The following AUTS2 variants were observed in gnomAD, a reference collection of about 807,000 sequenced individuals.
The protein encoded by AUTS2 is activator of transcription and developmental regulator AUTS2.
In AUTS2, 17 loss-of-function variants were observed where a neutral mutation model predicts 112.4. That is an observed-to-expected ratio of 0.15 (90% CI 0.10 to 0.23). The LOEUF (loss-of-function observed/expected upper bound fraction) is 0.23. AUTS2 is among the 10% of genes least tolerant of loss of function. AUTS2 has a pLI of 1.00. For synonymous variants in AUTS2, 751 were observed against 702.7 expected, an observed-to-expected ratio of 1.07 and a Z score of -1.09; for missense variants, 1,510 against 1,701.6, an observed-to-expected ratio of 0.89 and a Z score of 1.98.
intron 1 of AUTS2, among the ~76,000 whole-genome samples, chr7:69,813,493 G>T (rs1790634352): frequency 6.6e-6 from 1 of 152,158 alleles, no homozygotes; most frequent in Admixed American, 6.5e-5. Context: ...GGCTGATGTT[G>T]GGAAAATTAT....
rs67326941 is a variant in AUTS2, at chr7:70,712,193, CTTTTTTTTTTTTTTT to C, written c.742+13593_742+13607del. On this transcript the variant is annotated intron_variant, in intron 6 of 18. Coordinates refer to ENST00000342771, the MANE Select transcript of AUTS2 (RefSeq NM_015570.4). Reference sequence around the variant, plus strand: ...GGCACAAGCCACCATGCCTGGCTCACTTTTTTTTTTTTTTTTTTTTTTTTTTTTTTTTTTGCAGAG... The same window carrying C: ...GGCACAAGCCACCATGCCTGGCTCACTTTTTTTTTTTTTTTTTTTGCAGAG... 7.7e-4 allele frequency among the ~76,000 whole-genome samples: 35 copies of C among 45,178 alleles called. 1 individual carries two copies. In the East Asian group the frequency reaches 8.2e-3, roughly 11 times the overall value. The allele number at this position is 45,178 out of a possible 152,430, so 29.6% of individuals were successfully genotyped here.
At chr7:70,268,024 A>G (rs970764748) in intron 4 of AUTS2, among the ~76,000 whole-genome samples, 3 of 152,188 alleles carry the variant, frequency 2.0e-5, no homozygotes, top group African/African-American at 7.2e-5. Flanking sequence ...ATGTGCTCCC[A>G]TAAGAAATTT....
In AUTS2 at chr7:70,531,618, C is replaced by T. The variant is rs549149836; in HGVS notation, c.690+95837C>T. ...GGTGGGGTTCCAGGCTTTAAATAAT[C>T]GGCTCTCATGTGAACTGATAGAAGG... On this transcript the variant is annotated intron_variant, in intron 5 of 18. Transcript: ENST00000342771. Among the ~76,000 whole-genome samples, 21 of 152,128 alleles carry T rather than the reference C, an allele frequency of 1.4e-4. 1 individual carries two copies. The highest frequency in any genetic ancestry group is 6.8e-3 in the Middle Eastern group (2 of 294).
At chr7:70,702,882 G>A (rs768753383) in intron 6 of AUTS2, among the ~76,000 whole-genome samples, 2 of 152,196 alleles carry the variant, frequency 1.3e-5, no homozygotes, top group African/African-American at 4.8e-5. Flanking sequence ...GGTTGGTTTT[G>A]CACTGAGAAT....
chr7:70,610,949 T>C (rs940613927), intron 5 of AUTS2, among the ~76,000 whole-genome samples: 1 of 152,216 alleles, frequency 6.6e-6, no homozygotes, highest in Admixed American at 6.5e-5. Context: ...CTTCACTCTG[T>C]TGATTGTTTC....
At chr7:70,225,406 C>A (rs889125679) in intron 4 of AUTS2, among the ~76,000 whole-genome samples, 3 of 152,110 alleles carry the variant, frequency 2.0e-5, no homozygotes, top group African/African-American at 7.2e-5. Context: ...GCTTTAATTT[C>A]TCTTATAGCA....
At chr7:70,467,154 C>T (rs1330747854) in intron 5 of AUTS2, among the ~76,000 whole-genome samples, 1 of 152,178 alleles carries the variant, frequency 6.6e-6, no homozygotes, top group African/African-American at 2.4e-5. Flanking sequence ...GTCTGACTTC[C>T]ACACAGCCTT....
At chr7:70,329,362 C>T (rs1277363424) in intron 4 of AUTS2, among the ~76,000 whole-genome samples, 1 of 152,074 alleles carries the variant, frequency 6.6e-6, no homozygotes, top group Non-Finnish European at 1.5e-5. Flanking sequence ...GAACTATTTT[C>T]TAGAATGGCT....
chr7:70,157,167 A>G (rs1334246673), intron 4 of AUTS2, among the ~76,000 whole-genome samples: 2 of 151,106 alleles, frequency 1.3e-5, no homozygotes, highest in Non-Finnish European at 2.9e-5. Context: ...ACTTTTTAGT[A>G]TTTTCTCTTT....
At chr7:70,605,513 C>CTT (rs11412825) in intron 5 of AUTS2, among the ~76,000 whole-genome samples, 2 of 96,224 alleles carry the variant, frequency 2.1e-5, no homozygotes, top group African/African-American at 7.5e-5. Context: ...TTTTGTCTTT[C>CTT]TTTTTTTTTT....
chr7:69,930,420 A>G (rs914868840), intron 2 of AUTS2, among the ~76,000 whole-genome samples: 31 of 152,078 alleles, frequency 2.0e-4, no homozygotes, highest in African/African-American at 7.0e-4. Flanking sequence ...GTTCTGCCCC[A>G]GTTTCATCTC....
chr7:70,149,375 C>T (rs759449039), intron 4 of AUTS2, among the ~76,000 whole-genome samples: 7 of 152,008 alleles, frequency 4.6e-5, no homozygotes, highest in Non-Finnish European at 8.8e-5. Flanking sequence ...AAAATGGCAG[C>T]ATACACATAA....
intron 12 of AUTS2, among the ~76,000 whole-genome samples, chr7:70,774,548 C>T (rs181657160): frequency 1.8e-3 from 280 of 152,266 alleles, no homozygotes; most frequent in Middle Eastern, 6.8e-3. Flanking sequence ...TACTGCACGG[C>T]TCTTTGGCCC....
chr7:70,351,306 A>G (rs1003564665), intron 4 of AUTS2, among the ~76,000 whole-genome samples: 7 of 152,124 alleles, frequency 4.6e-5, no homozygotes, highest in African/African-American at 1.7e-4. Flanking sequence ...CACCCGCCTC[A>G]GCCTCCCAAA....
chr7:69,954,712 T>G (rs1171388046), intron 2 of AUTS2, among the ~76,000 whole-genome samples: 1 of 152,216 alleles, frequency 6.6e-6, no homozygotes, highest in Non-Finnish European at 1.5e-5. Context: ...AAGTTTTGCC[T>G]TATGCAAGGT....
intron 2 of AUTS2, among the ~76,000 whole-genome samples, chr7:70,016,380 T>C (rs1319602740): frequency 6.6e-6 from 1 of 152,168 alleles, no homozygotes; most frequent in Non-Finnish European, 1.5e-5. Flanking sequence ...TAAGTAATTT[T>C]TTTTTTCCTG....
At chr7:69,964,131 T>C (rs904315915) in intron 2 of AUTS2, among the ~76,000 whole-genome samples, 1 of 152,174 alleles carries the variant, frequency 6.6e-6, no homozygotes, top group African/African-American at 2.4e-5. Context: ...TCCTACCATA[T>C]TACCTGATAC....
chr7:70,399,527 C>T (rs1475097165), intron 4 of AUTS2, among the ~76,000 whole-genome samples: 1 of 152,036 alleles, frequency 6.6e-6, no homozygotes, highest in African/African-American at 2.4e-5. Flanking sequence ...TTTTCAAGTC[C>T]TCTAGGTTTA....
At position 70,763,295 on chromosome 7, in the gene AUTS2, C is replaced by A. The variant is rs373283008; in HGVS notation, c.1168C>A (p.Pro390Thr). 1 of 1,603,120 alleles carries A rather than the reference C, an allele frequency of 6.2e-7. No individual in the cohort carries two copies. Among genetic ancestry groups the A allele is most frequent in the Non-Finnish European group, 8.5e-7 (1 of 1,173,716 alleles). The change falls in exon 7 of 19, where the codon CCA becomes ACA. Residue 390 changes from proline (P) to threonine (T), a missense_variant. Pro to Thr is a conservative substitution (Grantham distance 38). Transcript: ENST00000342771. ...CCCCTCTGCTCAGAGCCTCTCCCAG[C>A]CATTGTCAGCCTACAACAGCAGTAG... ...AHPSAQSLSQ[P>T]LSAYNSSSLS... is the part of the protein sequence containing the mutation.
Sources: allele counts gnomAD v4.1 joint callset (sites outside exome capture counted in the v4.1 genomes callset), GRCh38; gene constraint gnomAD v4.1.1; transcripts MANE v1.5; gene names NCBI Gene and HGNC (gene_info 2026-07-23, HGNC 2026-07-21).